Variants in KCNJ16 observed in about 807,000 individuals in gnomAD.
The protein encoded by KCNJ16 is potassium inwardly rectifying channel subfamily J member 16.
KCNJ16 carries 15 observed loss-of-function variants against 18.5 expected under a neutral mutation model. That is an observed-to-expected ratio of 0.81 (90% CI 0.54 to 1.25). The LOEUF is 1.25. Among genes scored for constraint, KCNJ16 ranks in the 50% most tolerant of loss-of-function variants. KCNJ16 has a pLI of 0.00. For synonymous variants in KCNJ16, 174 were observed against 186.5 expected (o/e 0.93, Z 0.55); for missense variants, 523 against 525.7 (o/e 0.99, Z 0.05).
At chr17:70,101,694 C>G (rs2072629025) in intron 2 of KCNJ16, 1 of 152,136 alleles carries the variant, frequency 6.6e-6, no homozygotes, top group Non-Finnish European at 1.5e-5. Flanking sequence ...ATTCTCCTGC[C>G]TCAGCTTCCC....
chr17:70,084,064 C>T (rs2071682184), intron 1 of KCNJ16, among the ~76,000 whole-genome samples: 1 of 152,192 alleles, frequency 6.6e-6, no homozygotes, highest in African/African-American at 2.4e-5. Context: ...ACAGTGGGCT[C>T]ACCTGCCAAT....
chr17:70,126,170 T>C (rs2073848730), intron 2 of KCNJ16, among the ~76,000 whole-genome samples: 1 of 152,232 alleles, frequency 6.6e-6, no homozygotes, highest in Non-Finnish European at 1.5e-5. Flanking sequence ...GAATTTATAT[T>C]ATTATCTTTA....
intron 1 of KCNJ16, chr17:70,096,563 CAATATGTAATGCTTATTCAATAAAT>C (rs1324867266): frequency 5.7e-6 from 1 of 174,640 alleles, no homozygotes; most frequent in Non-Finnish European, 1.2e-5. Flanking sequence ...ACCAAAGTTC[CAATATGTAATGCTTATTCAATAAAT>C]AATAACTATC....
At chr17:70,077,286 TG>T (rs1390147790) in intron 1 of KCNJ16, among the ~76,000 whole-genome samples, 2 of 151,832 alleles carry the variant, frequency 1.3e-5, no homozygotes, top group African/African-American at 4.8e-5. Context: ...GAAAAGACCA[TG>T]GGAAGCGTAG....
chr17:70,107,687 T>A (rs914237085), intron 2 of KCNJ16, among the ~76,000 whole-genome samples: 1 of 150,666 alleles, frequency 6.6e-6, no homozygotes, highest in African/African-American at 2.5e-5. Context: ...CACAATTTTT[T>A]TAAAAAAAAA....
intron 2 of KCNJ16, among the ~76,000 whole-genome samples, chr17:70,105,632 G>T (rs970123349): frequency 6.6e-6 from 1 of 152,134 alleles, no homozygotes; most frequent in Non-Finnish European, 1.5e-5. Context: ...CTGCTAAAAG[G>T]TAACTTCAAT....
At position 70,133,005 on chromosome 17, in the gene KCNJ16, G is replaced by T; in HGVS notation, c.918G>T (p.Trp306Cys). The change falls in exon 4 of 4, where the codon TGG becomes TGT. Residue 306 changes from tryptophan to cysteine, a missense_variant. Physicochemically the swap from Trp to Cys is radical, Grantham distance 215. Coordinates refer to ENST00000392671, the MANE Select transcript of KCNJ16 (RefSeq NM_170741.4). ...CCTATGTTCCCCGAGAAATTCTCTG[G>T]GGCCATAGGTTTAATGATGTCTTGG... is the stretch of plus-strand genomic sequence containing the variant. Reference protein sequence around the residue: ...RSSYVPREILWGHRFNDVLEV... With the variant: ...RSSYVPREILCGHRFNDVLEV... 1 of 1,614,070 alleles carries T rather than the reference G, an allele frequency of 6.2e-7. No individual in the cohort carries two copies. The highest frequency in any genetic ancestry group is 8.5e-7 in the Non-Finnish European group (1 of 1,180,020).
chr17:70,087,656 G>A (rs1035256208), intron 1 of KCNJ16, among the ~76,000 whole-genome samples: 3 of 152,160 alleles, frequency 2.0e-5, no homozygotes, highest in Admixed American at 1.3e-4. Flanking sequence ...GTGGTGGGCC[G>A]AGATTGCACC....
chr17:70,132,850 C>T lies in KCNJ16; in HGVS notation c.763C>T (p.His255Tyr), dbSNP rs1261848829. The T allele has an allele frequency of 2.5e-6, 4 of 1,614,036 alleles. No individual in the cohort carries two copies. The highest frequency in any genetic ancestry group is 2.2e-5 in the East Asian group (1 of 44,870). The change falls in exon 4 of 4, where the codon CAT becomes TAT. Residue 255 changes from histidine (H) to tyrosine (Y), a missense_variant. Transcript: ENST00000392671. ...CCTGGTCACCCCGGTAACTATTGTC[C>T]ATGAAATTGACCATGAGAGCCCTCT... ...IILVTPVTIV[H>Y]EIDHESPLYA...
intron 2 of KCNJ16, among the ~76,000 whole-genome samples, chr17:70,107,129 A>C (rs891253933): frequency 6.6e-6 from 1 of 152,244 alleles, no homozygotes; most frequent in African/African-American, 2.4e-5. Flanking sequence ...TTAAATTCTT[A>C]TAATTGTCCT....
intron 1 of KCNJ16, among the ~76,000 whole-genome samples, chr17:70,095,808 G>A (rs1252088367): frequency 6.7e-6 from 1 of 150,148 alleles, no homozygotes; most frequent in Non-Finnish European, 1.5e-5. Context: ...TTCAAACTTG[G>A]GTCAAGATCC....
chr17:70,088,049 A>G (rs1195192656), intron 1 of KCNJ16, among the ~76,000 whole-genome samples: 1 of 149,986 alleles, frequency 6.7e-6, no homozygotes, highest in Non-Finnish European at 1.5e-5. Flanking sequence ...AAAGTAAAAG[A>G]AAAAGAAAAA....
intron 2 of KCNJ16, among the ~76,000 whole-genome samples, chr17:70,113,106 C>T (rs2073256569): frequency 6.6e-6 from 1 of 152,158 alleles, no homozygotes; most frequent in African/African-American, 2.4e-5. Flanking sequence ...TAATTTATTC[C>T]AAGTCAAATG....
At position 70,089,862 on chromosome 17, in the gene KCNJ16, G is replaced by A. The variant is rs145845308; in HGVS notation, c.-299-10796G>A. Among the ~76,000 whole-genome samples, 257 of 152,270 alleles carry A rather than the reference G, an allele frequency of 1.7e-3. 1 individual carries two copies. The highest frequency in any genetic ancestry group is 5.8e-3 in the African/African-American group (242 of 41,550). ...TTATATCACACTCAAGATAAAGGCCGATCCTGCTAACACTTTGTAACCGTG... is the reference window on the plus strand; with the variant it reads ...TTATATCACACTCAAGATAAAGGCCAATCCTGCTAACACTTTGTAACCGTG... On this transcript the variant is annotated intron_variant, in intron 1 of 3. Transcript: ENST00000392671.
chr17:70,085,905 G>A (rs1567778589), intron 1 of KCNJ16, among the ~76,000 whole-genome samples: 1 of 152,098 alleles, frequency 6.6e-6, no homozygotes, highest in Non-Finnish European at 1.5e-5. Flanking sequence ...ACTCCATTGA[G>A]CAAGGATAAT....
rs149697927 is a variant in KCNJ16, at chr17:70,085,625, C to T, written c.-300+10235C>T. Among the ~76,000 whole-genome samples the T allele has an allele frequency of 5.0e-3, 755 of 152,272 alleles. 5 individuals carry two copies. Among genetic ancestry groups the T allele is most frequent in the African/African-American group, 0.017 (709 of 41,552 alleles). ...ACTCCAAGTGAAATCCTGAGAAATGCTCAGGCATTGAAATAATAAAGGAGA... is the reference window on the plus strand; with the variant it reads ...ACTCCAAGTGAAATCCTGAGAAATGTTCAGGCATTGAAATAATAAAGGAGA... On this transcript the variant is annotated intron_variant, in intron 1 of 3. Transcript: ENST00000392671.
intron 2 of KCNJ16, among the ~76,000 whole-genome samples, chr17:70,123,051 G>A (rs1245640825): frequency 2.0e-5 from 3 of 152,004 alleles, no homozygotes; most frequent in East Asian, 1.9e-4. Context: ...ATGGACAGCC[G>A]GCATGATCTT....
At chr17:70,087,251 C>A (rs2071844372) in intron 1 of KCNJ16, among the ~76,000 whole-genome samples, 1 of 151,988 alleles carries the variant, frequency 6.6e-6, no homozygotes. Flanking sequence ...CTTATTATGG[C>A]AATAGGAATA....
chr17:70,088,891 T>C (rs1382112640), intron 1 of KCNJ16, among the ~76,000 whole-genome samples: 2 of 152,152 alleles, frequency 1.3e-5, no homozygotes, highest in Admixed American at 6.5e-5. Flanking sequence ...AGATCTAATA[T>C]GGCTTGGTAA....
Sources: allele counts gnomAD v4.1 joint callset (sites outside exome capture counted in the v4.1 genomes callset), GRCh38; gene constraint gnomAD v4.1.1; transcripts MANE v1.5; gene names NCBI Gene and HGNC (gene_info 2026-07-23, HGNC 2026-07-21).